PTPRT: variants seen among roughly 807,000 people sequenced by gnomAD.
PTPRT encodes the protein protein tyrosine phosphatase receptor type T, also known as receptor-type tyrosine-protein phosphatase T.
PTPRT carries 56 observed loss-of-function variants against 176.8 expected under a neutral mutation model. The ratio of observed to expected loss-of-function variants is 0.32; its 90% CI spans 0.26 to 0.40. The LOEUF is 0.40. Among genes scored for constraint, PTPRT ranks in the 10% least tolerant of loss-of-function variants. The probability of loss-of-function intolerance (pLI) is 1.00; values close to 1 mark genes in which losing one functional copy is unlikely to be tolerated. For synonymous variants in PTPRT, 783 were observed against 739.0 expected, an observed-to-expected ratio of 1.06 and a Z score of -0.96; for missense variants, 1,540 against 1,908.2, an observed-to-expected ratio of 0.81 and a Z score of 3.60.
intron 7 of PTPRT, among the ~76,000 whole-genome samples, chr20:42,519,664 T>C (rs959120306): frequency 6.6e-6 from 1 of 152,146 alleles, no homozygotes; most frequent in African/African-American, 2.4e-5. Context: ...TGTGTATTCA[T>C]GTTTTGAATT....
intron 5 of PTPRT, among the ~76,000 whole-genome samples, chr20:42,763,250 G>C (rs2076940342): frequency 6.6e-6 from 1 of 152,126 alleles, no homozygotes; most frequent in African/African-American, 2.4e-5. Context: ...GGTAAGACAA[G>C]ACTACAAAAA....
rs139360557 is a variant in PTPRT, at chr20:42,286,383, C to T, written c.2140-3858G>A. 7.9e-5 allele frequency among the ~76,000 whole-genome samples: 12 copies of T among 151,896 alleles called. 1 individual carries two copies. In the East Asian group the frequency reaches 2.3e-3, roughly 29 times the overall value. ...CATGGTACTGGCATAAAAACAGACACATAAACCAATGAAATAATATTTTTA... is the reference window on the plus strand; with the variant it reads ...CATGGTACTGGCATAAAAACAGACATATAAACCAATGAAATAATATTTTTA... On this transcript the variant is annotated intron_variant, in intron 12 of 30. Transcript: ENST00000373187.
chr20:42,055,086 T>TA, the PTPRT span, among the ~76,000 whole-genome samples: 158 of 149,864 alleles, frequency 1.1e-3, 1 homozygote, highest in Middle Eastern at 7.0e-3. Flanking sequence ...TAAAGTATAA[T>TA]AAAAAAAAAA....
intron 1 of PTPRT, among the ~76,000 whole-genome samples, chr20:42,894,554 C>T (rs540099124): frequency 2.0e-5 from 3 of 152,072 alleles, no homozygotes; most frequent in East Asian, 3.9e-4. Flanking sequence ...CAAGATCACA[C>T]AAATAACAGG....
At chr20:42,453,162 A>G (rs1220299592) in intron 8 of PTPRT, among the ~76,000 whole-genome samples, 1 of 152,196 alleles carries the variant, frequency 6.6e-6, no homozygotes, top group Non-Finnish European at 1.5e-5. Flanking sequence ...GTATTCTTCC[A>G]GAAGAATTTA....
At chr20:42,666,379 A>AT (rs2075317677) in intron 7 of PTPRT, among the ~76,000 whole-genome samples, 1 of 151,606 alleles carries the variant, frequency 6.6e-6, no homozygotes, top group Admixed American at 6.5e-5. Flanking sequence ...TCAAAAAAAA[A>AT]TTTTAAAGTC....
chr20:43,128,026 G>A (rs753930366), intron 1 of PTPRT, among the ~76,000 whole-genome samples: 1 of 152,194 alleles, frequency 6.6e-6, no homozygotes, highest in Non-Finnish European at 1.5e-5. Flanking sequence ...TTAACAAAAA[G>A]CTACTCTTTC....
intron 15 of PTPRT, among the ~76,000 whole-genome samples, chr20:42,207,294 ATGACTT>A (rs1412200220): frequency 1.3e-5 from 2 of 152,134 alleles, no homozygotes; most frequent in African/African-American, 4.8e-5. Flanking sequence ...TGGATGGAGA[ATGACTT>A]TGACGAGCTG....
intron 16 of PTPRT, among the ~76,000 whole-genome samples, chr20:42,192,134 C>T (rs189568443): frequency 7.2e-5 from 11 of 152,064 alleles, no homozygotes; most frequent in African/African-American, 2.4e-4. Flanking sequence ...AATGACTGAC[C>T]CAGAGAGAGT....
At chr20:42,865,097 A>G (rs2078723921) in intron 2 of PTPRT, among the ~76,000 whole-genome samples, 1 of 152,172 alleles carries the variant, frequency 6.6e-6, no homozygotes, top group Non-Finnish European at 1.5e-5. Context: ...TCATTCCTGT[A>G]TTGTGAAGTC....
chr20:42,356,896 C>G (rs1431132441), intron 9 of PTPRT, among the ~76,000 whole-genome samples: 3 of 152,164 alleles, frequency 2.0e-5, no homozygotes, highest in African/African-American at 7.2e-5. Context: ...CAGGAACTTG[C>G]ACCAGCTCTT....
At chr20:42,888,715 C>T (rs893534835) in intron 1 of PTPRT, among the ~76,000 whole-genome samples, 2 of 152,138 alleles carry the variant, frequency 1.3e-5, no homozygotes, top group African/African-American at 4.8e-5. Flanking sequence ...GGTTGGGCCT[C>T]TCCATTCAAA....
intron 1 of PTPRT, among the ~76,000 whole-genome samples, chr20:42,974,755 ACTT>A: frequency 6.6e-6 from 1 of 152,214 alleles, no homozygotes; most frequent in Non-Finnish European, 1.5e-5. Flanking sequence ...AAGGAAACAT[ACTT>A]CTTATTTCTT....
intron 2 of PTPRT, among the ~76,000 whole-genome samples, chr20:42,802,256 T>G (rs1191527866): frequency 6.6e-6 from 1 of 152,214 alleles, no homozygotes; most frequent in Non-Finnish European, 1.5e-5. Flanking sequence ...CCAGCCCTGA[T>G]AGGGCAGGGG....
chr20:42,510,859 T>G (rs1011419143), intron 7 of PTPRT, among the ~76,000 whole-genome samples: 4 of 152,160 alleles, frequency 2.6e-5, no homozygotes, highest in Non-Finnish European at 5.9e-5. Context: ...GCAAAGGCCT[T>G]GCCTGTTGCT....
intron 7 of PTPRT, among the ~76,000 whole-genome samples, chr20:42,650,103 T>A (rs989220012): frequency 1.3e-5 from 2 of 152,116 alleles, no homozygotes; most frequent in Non-Finnish European, 2.9e-5. Flanking sequence ...CAGAAAAAAA[T>A]AATCCCATCT....
intron 9 of PTPRT, among the ~76,000 whole-genome samples, chr20:42,397,630 T>C (rs2058864281): frequency 6.6e-6 from 1 of 152,236 alleles, no homozygotes; most frequent in African/African-American, 2.4e-5. Context: ...TTCATTTCTT[T>C]TTCGGGTCTG....
At chr20:42,337,518 T>C (rs2145460733) in intron 11 of PTPRT, among the ~76,000 whole-genome samples, 1 of 152,294 alleles carries the variant, frequency 6.6e-6, no homozygotes, top group East Asian at 1.9e-4. Flanking sequence ...TCTCAGGTTC[T>C]GATCTAGAGG....
chr20:42,491,648 C>T (rs1361035993), intron 7 of PTPRT, among the ~76,000 whole-genome samples: 2 of 152,146 alleles, frequency 1.3e-5, no homozygotes, highest in African/African-American at 4.8e-5. Flanking sequence ...AAAGCAACAG[C>T]GTGCCATCTT....
Sources: gnomAD v4.1 joint callset for allele counts (sites outside exome capture counted in the v4.1 genomes callset) on GRCh38, gnomAD v4.1.1 for gene constraint, MANE v1.5 for transcripts, NCBI Gene and HGNC (gene_info 2026-07-23, HGNC 2026-07-21) for gene names.